Variants in SGPP2 observed in about 807,000 individuals in gnomAD.
SGPP2 encodes the protein sphingosine 1-phosphate phosphohydrolase 2.
A neutral mutation model predicts 33.9 loss-of-function variants in SGPP2; 30 were observed. That is an observed-to-expected ratio of 0.89 (90% CI 0.66 to 1.20). SGPP2 has a LOEUF of 1.20. SGPP2 is among the 50% of genes most tolerant of loss of function. The pLI, the probability that SGPP2 is intolerant of heterozygous loss-of-function variation, is 0.00. For missense variants in SGPP2, 458 were observed against 532.1 expected, an observed-to-expected ratio of 0.86 and a Z score of 1.37; for synonymous variants, 233 against 225.0, an observed-to-expected ratio of 1.04 and a Z score of -0.32.
At chr2:222,455,844 G>A (rs944788762) in intron 1 of SGPP2, among the ~76,000 whole-genome samples, 10 of 152,162 alleles carry the variant, frequency 6.6e-5, no homozygotes, top group Non-Finnish European at 1.5e-4. Context: ...TGATGCTTCA[G>A]TGAGCTATGA....
chr2:222,479,724 C>T (rs971634951), intron 2 of SGPP2, among the ~76,000 whole-genome samples: 2 of 152,104 alleles, frequency 1.3e-5, no homozygotes, highest in African/African-American at 4.8e-5. Flanking sequence ...CTTCTTAACC[C>T]ATTTATGCCT....
chr2:222,532,897 A>G (rs1011841911), intron 4 of SGPP2, among the ~76,000 whole-genome samples: 2 of 152,070 alleles, frequency 1.3e-5, no homozygotes, highest in African/African-American at 2.4e-5. Flanking sequence ...CCCCAATGAC[A>G]TCACTGAGTG....
chr2:222,533,236 G>C (rs1481224450), intron 4 of SGPP2, among the ~76,000 whole-genome samples: 1 of 152,168 alleles, frequency 6.6e-6, no homozygotes, highest in African/African-American at 2.4e-5. Context: ...GACCAGAAGA[G>C]GGGTGGCTCT....
intron 2 of SGPP2, among the ~76,000 whole-genome samples, chr2:222,507,696 C>T (rs935958099): frequency 7.9e-5 from 12 of 152,192 alleles, no homozygotes; most frequent in Admixed American, 2.6e-4. Context: ...CTCCTGCCCA[C>T]TCCAGATCTC....
intron 1 of SGPP2, among the ~76,000 whole-genome samples, chr2:222,459,122 TTTTCTTTC>T (rs1276411843): frequency 2.9e-5 from 4 of 138,856 alleles, no homozygotes; most frequent in Non-Finnish European, 4.6e-5. Flanking sequence ...ACACACTTTT[TTTTCTTTC>T]TTTCTTTCTT....
intron 4 of SGPP2, among the ~76,000 whole-genome samples, chr2:222,538,340 A>G (rs1698943927): frequency 6.6e-6 from 1 of 152,224 alleles, no homozygotes; most frequent in African/African-American, 2.4e-5. Context: ...CATATGAGAG[A>G]AAGGGAGAGG....
In SGPP2 at chr2:222,558,764, G is replaced by C; in HGVS notation, c.1066G>C (p.Val356Leu). The change falls in exon 5 of 5, where the codon GTG becomes CTG. Residue 356 changes from valine (V) to leucine (L), a missense_variant. By Grantham distance (32) the Val-to-Leu change is conservative (BLOSUM62 1). Transcript: ENST00000321276. Reference protein sequence around the residue: ...SLQVLYSWFKVVTRNKEARRR... With the variant: ...SLQVLYSWFKLVTRNKEARRR... ...GCAAGTATTATACTCATGGTTCAAGGTGGTCACCAGGAACAAGGAGGCCAG... is the reference window on the plus strand; with the variant it reads ...GCAAGTATTATACTCATGGTTCAAGCTGGTCACCAGGAACAAGGAGGCCAG... The C allele has an allele frequency of 1.9e-6, 3 of 1,614,148 alleles. No homozygotes were observed. Among genetic ancestry groups the C allele is most frequent in the Non-Finnish European group, 2.5e-6 (3 of 1,180,028 alleles).
In SGPP2 at chr2:222,502,247, C is replaced by T. The variant is rs541441461; in HGVS notation, c.379-19520C>T. ...GTAAGTTTATAATTTAGATTTAAAC[C>T]ATATCCCCTTCTTGTTACATCTATG... On this transcript the variant is annotated intron_variant, in intron 2 of 4. Coordinates refer to ENST00000321276, the MANE Select transcript of SGPP2 (RefSeq NM_152386.4). 9.2e-5 allele frequency among the ~76,000 whole-genome samples: 14 copies of T among 152,192 alleles called. No homozygotes were observed. In the South Asian group the frequency reaches 2.9e-3, roughly 32 times the overall value.
At chr2:222,454,374 GCTTACAA>G (rs1697538913) in intron 1 of SGPP2, among the ~76,000 whole-genome samples, 1 of 152,216 alleles carries the variant, frequency 6.6e-6, no homozygotes, top group South Asian at 2.1e-4. Context: ...GGTGAAATGT[GCTTACAA>G]CTCTCTGCCA....
chr2:222,490,604 AT>A (rs60235375), intron 2 of SGPP2, among the ~76,000 whole-genome samples: 7,096 of 115,346 alleles, frequency 0.062, 224 homozygotes, highest in African/African-American at 0.17. Flanking sequence ...CACCTGGCTA[AT>A]TTTTTTTTTT....
chr2:222,554,350 G>A (rs1418444866), intron 4 of SGPP2, among the ~76,000 whole-genome samples: 1 of 152,208 alleles, frequency 6.6e-6, no homozygotes, highest in Admixed American at 6.5e-5. Context: ...ATTCCACTGC[G>A]TGGCTATATC....
Sources: allele counts gnomAD v4.1 joint callset (sites outside exome capture counted in the v4.1 genomes callset), GRCh38; gene constraint gnomAD v4.1.1; transcripts MANE v1.5; gene names NCBI Gene and HGNC (gene_info 2026-07-23, HGNC 2026-07-21).